SLK: variants seen among roughly 807,000 people sequenced by gnomAD.
The protein encoded by SLK is STE20-like serine/threonine-protein kinase.
In SLK, 67 loss-of-function variants were observed where a neutral mutation model predicts 147.7. The observed-to-expected ratio is 0.45, with a 90% CI of 0.37 to 0.56. The LOEUF (loss-of-function observed/expected upper bound fraction) is 0.56, where lower values mean the gene tolerates loss of function less well. Among genes scored for constraint, SLK ranks in the 20% least tolerant of loss-of-function variants. The pLI is 0.00. For missense variants in SLK, 1,136 were observed against 1,438.8 expected, an observed-to-expected ratio of 0.79 and a Z score of 3.41; for synonymous variants, 441 against 475.0, an observed-to-expected ratio of 0.93 and a Z score of 0.93.
chr10:103,995,428 T>TC (rs1304991426), intron 4 of SLK, among the ~76,000 whole-genome samples: 7 of 142,700 alleles, frequency 4.9e-5, no homozygotes, highest in Non-Finnish European at 1.1e-4. Context: ...CTTTTCTTTT[T>TC]TTTTTTTTTT....
At chr10:104,020,380 G>T in intron 16 of SLK, 108 bp from the exon 17 acceptor site, 1 of 1,058,258 alleles carries the variant, frequency 9.4e-7, no homozygotes, top group Non-Finnish European at 1.3e-6. Context: ...ATTATTACTT[G>T]TAGCTTCAGT....
intron 1 of SLK, among the ~76,000 whole-genome samples, chr10:103,968,867 CAT>C (rs1473453012): frequency 6.6e-6 from 1 of 152,218 alleles, no homozygotes; most frequent in Non-Finnish European, 1.5e-5. Context: ...TTCACAGTCA[CAT>C]GAGTCTCAGC....
At chr10:104,018,711 ATATT>A in intron 14 of SLK, 69 bp from the exon 15 acceptor site, 1 of 1,454,950 alleles carries the variant, frequency 6.9e-7, no homozygotes, top group Non-Finnish European at 9.4e-7. Context: ...TTCTATGTAA[ATATT>A]AAAATGAAGA....
chr10:103,967,675 C>T lies in SLK; in HGVS notation c.-71C>T. On this transcript the variant is annotated 5_prime_UTR_variant, in exon 1 of 19. Coordinates refer to ENST00000369755, the MANE Select transcript of SLK (RefSeq NM_014720.4). ...CGCCAGCCGGGCTCGCGCGGGAGAGCAGGGAAGAGAAACTTTGCCTTTTAT... is the reference window on the plus strand; with the variant it reads ...CGCCAGCCGGGCTCGCGCGGGAGAGTAGGGAAGAGAAACTTTGCCTTTTAT... 1.4e-6 allele frequency: 2 copies of T among 1,461,886 alleles called. No homozygotes were observed. The highest frequency in any genetic ancestry group is 2.6e-5 in the East Asian group (1 of 38,698). 90.6% of individuals were successfully genotyped at this position (1,461,886 alleles called of 1,614,324 possible).
intron 1 of SLK, among the ~76,000 whole-genome samples, chr10:103,987,924 G>A (rs994933640): frequency 8.5e-5 from 13 of 152,118 alleles, no homozygotes; most frequent in African/African-American, 3.1e-4. Flanking sequence ...TGCTGGGCCC[G>A]AGAATTAAAC....
chr10:104,005,377 T>G (rs1844311047), intron 9 of SLK, among the ~76,000 whole-genome samples, 184 bp from the exon 10 acceptor site: 1 of 152,246 alleles, frequency 6.6e-6, no homozygotes, highest in African/African-American at 2.4e-5. Context: ...AGATGACGTT[T>G]AAGGTGTTAT....
chr10:104,012,036 G>A (rs1251525213), intron 13 of SLK, among the ~76,000 whole-genome samples: 1 of 152,188 alleles, frequency 6.6e-6, no homozygotes, highest in Non-Finnish European at 1.5e-5. Flanking sequence ...GTGAAAGGAA[G>A]AAGAGATGTG....
intron 1 of SLK, among the ~76,000 whole-genome samples, chr10:103,974,206 A>G (rs1843829890): frequency 6.6e-6 from 1 of 151,980 alleles, no homozygotes; most frequent in Non-Finnish European, 1.5e-5. Context: ...TCCCCCAATA[A>G]TGACTCTTGC....
intron 18 of SLK, among the ~76,000 whole-genome samples, chr10:104,022,271 G>A (rs1182513767): frequency 6.6e-6 from 1 of 152,120 alleles, no homozygotes; most frequent in Non-Finnish European, 1.5e-5. Flanking sequence ...GTCTGAACAG[G>A]TCAACTGGAG....
At chr10:103,995,284 G>A (rs1589534028) in intron 4 of SLK, among the ~76,000 whole-genome samples, 3 of 151,878 alleles carry the variant, frequency 2.0e-5, no homozygotes, top group African/African-American at 2.4e-5. Context: ...GGTCTTCCTC[G>A]TGTCTGCTTG....
At chr10:104,002,036 T>C in intron 8 of SLK, 136 bp from the exon 9 acceptor site, 1 of 719,186 alleles carries the variant, frequency 1.4e-6, no homozygotes, top group Non-Finnish European at 2.2e-6. Context: ...ATATTTCTTG[T>C]GAGAAGAATT....
chr10:103,981,096 T>G (rs1843935424), intron 1 of SLK, among the ~76,000 whole-genome samples: 1 of 152,184 alleles, frequency 6.6e-6, no homozygotes, highest in South Asian at 2.1e-4. Context: ...GAGCATCTTT[T>G]CATGTGCTTA....
intron 1 of SLK, among the ~76,000 whole-genome samples, chr10:103,979,243 C>T (rs998091364): frequency 1.3e-5 from 2 of 152,196 alleles, no homozygotes; most frequent in African/African-American, 2.4e-5. Context: ...TCCCCAACTC[C>T]TGGGCTTAAG....
chr10:104,000,547 T>C (rs1844231769), intron 7 of SLK, among the ~76,000 whole-genome samples: 1 of 152,198 alleles, frequency 6.6e-6, no homozygotes, highest in African/African-American at 2.4e-5. Context: ...ACACACTTTC[T>C]ATTATTATTT....
Position 104,002,843 on chromosome 10 carries a change from A to G in SLK, c.1665A>G (p.Ala555=). 6.2e-7 allele frequency: 1 copy of G among 1,614,098 alleles called. No individual in the cohort carries two copies. Among genetic ancestry groups the G allele is most frequent in the South Asian group, 1.1e-5 (1 of 91,082 alleles). ...TSDVIGTCEA[A]DVAQKVDEDS... ...ATGTGATAGGAACATGTGAGGCAGC[A>G]GATGTGGCTCAGAAAGTGGATGAAG... The change falls in exon 9 of 19, where the codon GCA becomes GCG. Residue 555 remains alanine, a synonymous_variant. Coordinates refer to ENST00000369755, the MANE Select transcript of SLK (RefSeq NM_014720.4).
chr10:103,991,729 C>A (rs1232876330), intron 2 of SLK, among the ~76,000 whole-genome samples: 1 of 151,730 alleles, frequency 6.6e-6, no homozygotes, highest in Non-Finnish European at 1.5e-5. Flanking sequence ...AAAAATAAAG[C>A]ATTATGCTGA....
At chr10:104,007,689 G>A (rs917902616) in intron 11 of SLK, among the ~76,000 whole-genome samples, 22 of 151,584 alleles carry the variant, frequency 1.5e-4, no homozygotes, top group African/African-American at 4.8e-4. Context: ...CCAGTATTTT[G>A]GGAGGCCGAA....
At chr10:103,970,937 T>C (rs768382714) in intron 1 of SLK, among the ~76,000 whole-genome samples, 14 of 152,226 alleles carry the variant, frequency 9.2e-5, no homozygotes, top group Non-Finnish European at 1.9e-4. Context: ...GCTCTAGTGA[T>C]CATTTCCTTT....
intron 4 of SLK, among the ~76,000 whole-genome samples, chr10:103,994,828 G>T (rs1275010847): frequency 6.6e-6 from 1 of 152,188 alleles, no homozygotes; most frequent in Non-Finnish European, 1.5e-5. Flanking sequence ...GATGATTGAA[G>T]TTCCTTTCTG....
Sources: allele counts gnomAD v4.1 joint callset (sites outside exome capture counted in the v4.1 genomes callset), GRCh38; gene constraint gnomAD v4.1.1; transcripts MANE v1.5; gene names NCBI Gene and HGNC (gene_info 2026-07-23, HGNC 2026-07-21).